The following GPM6B variants were observed in gnomAD, a reference collection of about 807,000 sequenced individuals.
GPM6B encodes the protein glycoprotein M6B, also known as neuronal membrane glycoprotein M6-b.
A neutral mutation model predicts 27.2 loss-of-function variants in GPM6B; 4 were observed. The observed-to-expected ratio is 0.15, with a 90% CI of 0.07 to 0.34. GPM6B has a LOEUF of 0.34. Among genes scored for constraint, GPM6B ranks in the 10% least tolerant of loss-of-function variants. GPM6B has a pLI of 1.00. For synonymous variants in GPM6B, 124 were observed against 103.1 expected (o/e 1.20, Z -1.23); for missense variants, 183 against 261.9 (o/e 0.70, Z 2.08).
At chrX:13,918,724 G>A (rs2050450779) in intron 1 of GPM6B, among the ~76,000 whole-genome samples, 1 of 111,397 alleles carries the variant, frequency 9.0e-6, no homozygotes, top group Admixed American at 9.6e-5. Context: ...TACAATCACG[G>A]CAGAAGACAA....
chrX:13,930,818 T>C (rs748902193), intron 1 of GPM6B, among the ~76,000 whole-genome samples: 14 of 112,171 alleles, frequency 1.2e-4, no homozygotes, highest in Non-Finnish European at 2.1e-4. Flanking sequence ...ATACACTTCA[T>C]AACTTAAACA....
At chrX:13,920,510 C>A (rs1410123555) in intron 1 of GPM6B, among the ~76,000 whole-genome samples, 1 of 110,514 alleles carries the variant, frequency 9.0e-6, no homozygotes, top group African/African-American at 3.3e-5. Context: ...ATTGGGAAAG[C>A]CAGGGAAACA....
rs1395533257 is a variant in GPM6B at position 13,771,132 on chromosome X, A to T, written c.*1749T>A. On this transcript the variant is annotated 3_prime_UTR_variant, in exon 8 of 8. Transcript: ENST00000316715. Reference sequence around the variant, plus strand: ...ATTCACTGTTAGGTTACAAAAATTTATACATAGCAAAATTTAATGCTCTTT... The same window carrying T: ...ATTCACTGTTAGGTTACAAAAATTTTTACATAGCAAAATTTAATGCTCTTT... 7 of 112,592 alleles carry T rather than the reference A, an allele frequency of 6.2e-5. No homozygotes were observed. Among genetic ancestry groups the T allele is most frequent in the Non-Finnish European group, 1.3e-4 (7 of 53,234 alleles). 9.3% of individuals were successfully genotyped at this position (112,592 alleles called of 1,213,427 possible). A position where few individuals can be genotyped will look rare whatever the true frequency, so the allele number is the denominator to read the frequency against.
chrX:13,797,106 T>C (rs1263900554), intron 2 of GPM6B, among the ~76,000 whole-genome samples: 1 of 112,345 alleles, frequency 8.9e-6, no homozygotes, highest in Non-Finnish European at 1.9e-5. Context: ...ATCAGTTTCC[T>C]TGACCATCTG....
chrX:13,839,176 T>C (rs2049541854), intron 1 of GPM6B, among the ~76,000 whole-genome samples: 1 of 111,675 alleles, frequency 9.0e-6, no homozygotes, highest in Non-Finnish European at 1.9e-5. Flanking sequence ...TCTTAACTAC[T>C]ATCATTTCTT....
chrX:13,774,241 T>TATTA (rs2048362340), intron 7 of GPM6B: 27 of 793,763 alleles, frequency 3.4e-5, no homozygotes, highest in Non-Finnish European at 4.1e-5. Context: ...AAAGTGTTAA[T>TATTA]AATTCATTTA....
At chrX:13,886,719 TAAAAAAAA>T (rs5901522) in intron 1 of GPM6B, among the ~76,000 whole-genome samples, 2 of 35,106 alleles carry the variant, frequency 5.7e-5, no homozygotes, top group Non-Finnish European at 7.9e-5. Flanking sequence ...AAGTCACTAC[TAAAAAAAA>T]AAAAAAAAAA....
chrX:13,934,106 G>A (rs763062439), intron 1 of GPM6B, among the ~76,000 whole-genome samples: 11 of 110,348 alleles, frequency 1.0e-4, no homozygotes, highest in Non-Finnish European at 1.3e-4. Context: ...AACAGCTTTC[G>A]GTAGAGCAAA....
At chrX:13,874,665 G>A (rs1000719836) in intron 1 of GPM6B, among the ~76,000 whole-genome samples, 1 of 111,299 alleles carries the variant, frequency 9.0e-6, no homozygotes, top group Non-Finnish European at 1.9e-5. Context: ...AGCTGAGATC[G>A]TGCCACTGCA....
chrX:13,852,348 C>T (rs1431463843), intron 1 of GPM6B, among the ~76,000 whole-genome samples: 1 of 111,099 alleles, frequency 9.0e-6, no homozygotes, highest in Non-Finnish European at 1.9e-5. Context: ...GATTTTGATT[C>T]ACCTCAAGCA....
At chrX:13,836,559 T>A (rs2049496598) in intron 1 of GPM6B, among the ~76,000 whole-genome samples, 1 of 112,481 alleles carries the variant, frequency 8.9e-6, no homozygotes, top group African/African-American at 3.2e-5. Context: ...ATGCTATGTT[T>A]ATTTATTTAT....
At chrX:13,866,101 C>T (rs941796093) in intron 1 of GPM6B, among the ~76,000 whole-genome samples, 19 of 111,914 alleles carry the variant, frequency 1.7e-4, no homozygotes, top group Middle Eastern at 4.6e-3. Flanking sequence ...CAGTGGCTCA[C>T]GCCTGTAATC....
intron 1 of GPM6B, among the ~76,000 whole-genome samples, chrX:13,896,087 C>T (rs747964940): frequency 1.0e-5 from 1 of 96,732 alleles, no homozygotes; most frequent in Non-Finnish European, 2.1e-5. Flanking sequence ...CCCAGGAGGT[C>T]GAGGCTGCAG....
chrX:13,813,427 T>G (rs2147192251), intron 1 of GPM6B, among the ~76,000 whole-genome samples: 1 of 112,039 alleles, frequency 8.9e-6, no homozygotes, highest in South Asian at 3.7e-4. Context: ...TTCACTATAT[T>G]TTTCTTCCTG....
intron 7 of GPM6B, chrX:13,774,679 C>G: frequency 2.1e-6 from 2 of 953,185 alleles, no homozygotes; most frequent in South Asian, 4.0e-5. Context: ...GGGCCGATGC[C>G]ATGACACTTC....
chrX:13,803,231 T>G (rs1024597597), intron 2 of GPM6B, among the ~76,000 whole-genome samples: 6 of 111,367 alleles, frequency 5.4e-5, no homozygotes, highest in African/African-American at 2.0e-4. Flanking sequence ...AGCCAGCCTG[T>G]GGTTACATCT....
At chrX:13,920,827 C>G (rs1299479493) in intron 1 of GPM6B, among the ~76,000 whole-genome samples, 1 of 108,108 alleles carries the variant, frequency 9.3e-6, no homozygotes, top group African/African-American at 3.4e-5. Context: ...GGAGGCAGAG[C>G]TTGCAGTGAG....
rs1317436391 is a variant in GPM6B at position 13,771,417 on chromosome X, T to C, written c.*1464A>G. ...AAAAAAAAAAATCCCAAATAGGCAT[T>C]TTTAGGCATTAACCAAAAAAGAGAA... On this transcript the variant is annotated 3_prime_UTR_variant, in exon 8 of 8. Transcript: ENST00000316715. 1.8e-5 allele frequency: 2 copies of C among 111,838 alleles called. No homozygotes were observed. Among genetic ancestry groups the C allele is most frequent in the Non-Finnish European group, 3.8e-5 (2 of 53,032 alleles). The allele number at this position is 111,838 out of a possible 1,213,427, so 9.2% of individuals were successfully genotyped here.
intron 1 of GPM6B, among the ~76,000 whole-genome samples, chrX:13,856,100 A>C (rs1195051944): frequency 2.7e-5 from 3 of 111,719 alleles, no homozygotes; most frequent in Non-Finnish European, 5.6e-5. Flanking sequence ...GCAGTTAATC[A>C]CCATTTCCCA....
Sources: gnomAD v4.1 joint callset for allele counts (sites outside exome capture counted in the v4.1 genomes callset) on GRCh38, gnomAD v4.1.1 for gene constraint, MANE v1.5 for transcripts, NCBI Gene and HGNC (gene_info 2026-07-23, HGNC 2026-07-21) for gene names.